Variants in CHRNA3 observed in about 807,000 individuals in gnomAD.
CHRNA3 encodes the protein cholinergic receptor nicotinic alpha 3 subunit.
In CHRNA3, 34 loss-of-function variants were observed where a neutral mutation model predicts 41.9. The observed-to-expected ratio is 0.81, with a 90% CI of 0.62 to 1.08. The LOEUF (loss-of-function observed/expected upper bound fraction) is 1.08. CHRNA3 is among the 50% of genes least tolerant of loss of function. CHRNA3 has a pLI of 0.00. For missense variants in CHRNA3, 542 were observed against 638.3 expected (o/e 0.85, Z 1.63); for synonymous variants, 281 against 265.2 (o/e 1.06, Z -0.58).
At chr15:78,593,450 A>T (rs200202015), downstream of CHRNA3, 2 of 438,306 alleles carry the variant, frequency 4.6e-6, no homozygotes, top group Non-Finnish European at 7.8e-6. Context: ...GATGAGATAC[A>T]TTTGATCTTG....
chr15:78,618,970 C>G, intron 1 of CHRNA3, 55 bp from the exon 2 acceptor site: 11 of 1,587,176 alleles, frequency 6.9e-6, no homozygotes, highest in Non-Finnish European at 9.5e-6. Flanking sequence ...ACCTCCCCCA[C>G]CCAGCCCAGC....
intron 4 of CHRNA3, among the ~76,000 whole-genome samples, chr15:78,614,015 T>TA (rs2053425746): frequency 6.6e-6 from 1 of 152,060 alleles, no homozygotes; most frequent in Non-Finnish European, 1.5e-5. Flanking sequence ...AAGTTCTAAC[T>TA]AGGAGAAGAG....
chr15:78,619,823 A>G (rs1211192837), intron 1 of CHRNA3: 2 of 152,102 alleles, frequency 1.3e-5, no homozygotes, highest in East Asian at 1.9e-4. Context: ...GTTGAATCCA[A>G]CTTCCTCAGG....
At chr15:78,614,722 A>C (rs562124574) in intron 4 of CHRNA3, among the ~76,000 whole-genome samples, 2 of 152,368 alleles carry the variant, frequency 1.3e-5, no homozygotes, top group African/African-American at 4.8e-5. Flanking sequence ...GTAAATGTAA[A>C]AGGTTTAAAT....
rs141141954 is a variant in CHRNA3, at chr15:78,601,522, C to T, written c.1120G>A (p.Gly374Ser). The T allele has an allele frequency of 2.0e-4, 321 of 1,614,126 alleles. 5 individuals carry two copies. The East Asian group carries it at 3.3e-3, about 16-fold the overall frequency. The change falls in exon 5 of 6, where the codon GGT (glycine) becomes AGT (serine). Residue 374 changes from glycine (G) to serine (S), a missense_variant. Transcript: ENST00000326828. The part of the protein sequence containing the change: ...GNAQKPRPLY[G>S]AELSNLNCFS... ...CAATTCAGATTTGAGAGCTCGGCAC[C>T]GTAGAGGGGCCTCGGCTTCTGAGCG... is the stretch of plus-strand genomic sequence containing the variant.
intron 3 of CHRNA3, 133 bp downstream of exon 3, chr15:78,618,484 G>T: frequency 1.0e-6 from 1 of 966,070 alleles, no homozygotes; most frequent in Non-Finnish European, 1.6e-6. Flanking sequence ...AGATATATCT[G>T]CCAGTCAGTG....
chr15:78,601,005 C>T (rs148802604), intron 5 of CHRNA3, among the ~76,000 whole-genome samples: 18 of 152,292 alleles, frequency 1.2e-4, no homozygotes, highest in African/African-American at 4.3e-4. Context: ...AGCCTGCCAG[C>T]CTGCTGGCAG....
chr15:78,607,854 C>T (rs1173857967), intron 4 of CHRNA3, among the ~76,000 whole-genome samples: 2 of 152,188 alleles, frequency 1.3e-5, no homozygotes, highest in East Asian at 1.9e-4. Flanking sequence ...CCTGGAAAAT[C>T]GGGTCACTCC....
At position 78,600,458 on chromosome 15, in the gene CHRNA3, A is replaced by G. The variant is rs139726706; in HGVS notation, c.1389+795T>C. Among the ~76,000 whole-genome samples the G allele has an allele frequency of 7.8e-4, 119 of 152,302 alleles. 1 individual carries two copies. The highest frequency in any genetic ancestry group is 2.6e-3 in the African/African-American group (106 of 41,556). On this transcript the variant is annotated intron_variant, in intron 5 of 5. Coordinates refer to ENST00000326828, the MANE Select transcript of CHRNA3 (RefSeq NM_000743.5). ...TTTCTAGGGGCCCTGGGAGTGTTCT[A>G]TATCTTTACCTGGGTCTTGGTTACA...
At chr15:78,603,182 T>C (rs576400617) in intron 4 of CHRNA3, among the ~76,000 whole-genome samples, 1 of 152,308 alleles carries the variant, frequency 6.6e-6, no homozygotes, top group East Asian at 1.9e-4. Context: ...GCTCAGCTAC[T>C]TTTTCTATTT....
In CHRNA3 at chr15:78,602,608, G is replaced by A. The variant is rs77666045; in HGVS notation, c.378-344C>T. ...GAAATGGGAGGAAGGTCATCCTCCT[G>A]GAGCCAGGTGCTGAAGCAGCCTTTG... On this transcript the variant is annotated intron_variant, in intron 4 of 5. Coordinates refer to ENST00000326828, the MANE Select transcript of CHRNA3 (RefSeq NM_000743.5). Among the ~76,000 whole-genome samples the A allele has an allele frequency of 3.8e-3, 575 of 152,302 alleles. 19 individuals are homozygous for A. In the East Asian group the frequency reaches 0.067, roughly 18 times the overall value.
Position 78,620,885 on chromosome 15 carries a change from G to A in CHRNA3, c.-91C>T. 1 of 1,273,404 alleles carries A rather than the reference G, an allele frequency of 7.9e-7. No individual in the cohort carries two copies. The highest frequency in any genetic ancestry group is 9.9e-7 in the Non-Finnish European group (1 of 1,013,528). 78.9% of individuals were successfully genotyped at this position (1,273,404 alleles called of 1,614,324 possible). A position where few individuals can be genotyped will look rare whatever the true frequency, so the allele number is the denominator to read the frequency against. On this transcript the variant is annotated 5_prime_UTR_variant, in exon 1 of 6. Transcript: ENST00000326828. ...CCTCTCCCCGCGCGGCTCCAGCGCAGACCCCAGACCTGGAGCCGTGCGGGC... is the reference window on the plus strand; with the variant it reads ...CCTCTCCCCGCGCGGCTCCAGCGCAAACCCCAGACCTGGAGCCGTGCGGGC...
rs1486171895 is a variant in CHRNA3, at chr15:78,595,479, GCTC to G, written c.*1122_*1124del. On this transcript the variant is annotated 3_prime_UTR_variant, in exon 6 of 6. Coordinates refer to ENST00000326828, the MANE Select transcript of CHRNA3 (RefSeq NM_000743.5). ...ATGTTTCTCAACCAGGGGCAATTTT[GCTC>G]CTAAGGGAACATTTAACAATGGAGA... 2 of 888,224 alleles carry G rather than the reference GCTC, an allele frequency of 2.3e-6. No homozygotes were observed. The highest frequency in any genetic ancestry group is 2.7e-6 in the Non-Finnish European group (2 of 741,582). The allele number at this position is 888,224 out of a possible 1,614,324, so 55.0% of individuals were successfully genotyped here.
intron 4 of CHRNA3, among the ~76,000 whole-genome samples, chr15:78,608,889 G>A (rs1039198103): frequency 3.2e-4 from 49 of 152,314 alleles, no homozygotes; most frequent in African/African-American, 1.0e-3. Flanking sequence ...GTCCTTAAAG[G>A]AGCTGATGGA....
intron 4 of CHRNA3, among the ~76,000 whole-genome samples, chr15:78,614,144 CATT>C (rs1180142280): frequency 6.6e-6 from 1 of 152,208 alleles, no homozygotes; most frequent in African/African-American, 2.4e-5. Flanking sequence ...CTACGCCTCT[CATT>C]ATTGCTAAAA....
At chr15:78,596,874 A>G in intron 5 of CHRNA3, 142 bp from the exon 6 acceptor site, 1 of 1,248,088 alleles carries the variant, frequency 8.0e-7, no homozygotes, top group Non-Finnish European at 1.1e-6. Flanking sequence ...TTCCTAATTG[A>G]TGTGGTCTGA....
At chr15:78,620,388 G>GCAGCGCGGGGCAGGGCGACGGT in intron 1 of CHRNA3, 1 of 342,640 alleles carries the variant, frequency 2.9e-6, no homozygotes, top group Non-Finnish European at 5.2e-6. Flanking sequence ...AGGGCGACGG[G>GCAGCGCGGGGCAGGGCGACGGT]CAGCGCGGGG....
chr15:78,610,433 A>G (rs183822442), intron 4 of CHRNA3, among the ~76,000 whole-genome samples: 64,752 of 151,494 alleles, frequency 0.43, 14,484 homozygotes, highest in African/African-American at 0.54. Flanking sequence ...ACTCAAAACC[A>G]CTCAACTACA....
chr15:78,618,310 T>G, intron 3 of CHRNA3: 1 of 348,052 alleles, frequency 2.9e-6, no homozygotes, highest in Non-Finnish European at 5.3e-6. Flanking sequence ...ACCCCAGGGT[T>G]TGGGGGCAGG....
Sources: gnomAD v4.1 joint callset for allele counts (sites outside exome capture counted in the v4.1 genomes callset) on GRCh38, gnomAD v4.1.1 for gene constraint, MANE v1.5 for transcripts, NCBI Gene and HGNC (gene_info 2026-07-23, HGNC 2026-07-21) for gene names.